VAV1: variants seen among roughly 807,000 people sequenced by gnomAD.
The protein encoded by VAV1 is vav guanine nucleotide exchange factor 1, also known as proto-oncogene vav.
In VAV1, 33 loss-of-function variants were observed where a neutral mutation model predicts 128.1. That is an observed-to-expected ratio of 0.26 (90% CI 0.20 to 0.34). The LOEUF is 0.34. Among genes scored for constraint, VAV1 ranks in the 10% least tolerant of loss-of-function variants. The pLI, the probability that VAV1 is intolerant of heterozygous loss-of-function variation, is 1.00. For missense variants in VAV1, 715 were observed against 1,093.7 expected (o/e 0.65, Z 4.88); for synonymous variants, 394 against 409.8 (o/e 0.96, Z 0.47).
At chr19:6,829,546 T>A (rs1264938472) in intron 13 of VAV1, among the ~76,000 whole-genome samples, 1 of 151,910 alleles carries the variant, frequency 6.6e-6, no homozygotes, top group Non-Finnish European at 1.5e-5. Flanking sequence ...GAGAAGGCGG[T>A]GGAGCCTTGA....
At chr19:6,774,429 T>A (rs1249708837) in intron 1 of VAV1, among the ~76,000 whole-genome samples, 16 of 96,540 alleles carry the variant, frequency 1.7e-4, no homozygotes, top group Admixed American at 2.8e-4. Context: ...CGCCCAGCCT[T>A]TTTTTTTTTT....
intron 1 of VAV1, among the ~76,000 whole-genome samples, chr19:6,817,751 G>A (rs949983711): frequency 2.0e-5 from 3 of 151,936 alleles, no homozygotes; most frequent in Admixed American, 6.6e-5. Flanking sequence ...CAGTGGCACC[G>A]TCGTGGCTCA....
intron 1 of VAV1, among the ~76,000 whole-genome samples, chr19:6,806,879 C>T (rs984063369): frequency 6.6e-6 from 1 of 152,218 alleles, no homozygotes; most frequent in African/African-American, 2.4e-5. Flanking sequence ...GATTTGTCTA[C>T]TGCGTCCCAG....
Position 6,836,616 on chromosome 19 carries a change from G to T in VAV1, c.1914+48G>T, listed in dbSNP as rs375032773. 5 of 1,603,706 alleles carry T rather than the reference G, an allele frequency of 3.1e-6. No individual in the cohort carries two copies. In the African/African-American group the frequency reaches 4.0e-5, roughly 13 times the overall value. On this transcript the variant is annotated intron_variant, in intron 20 of 26. Coordinates refer to ENST00000602142, the MANE Select transcript of VAV1 (RefSeq NM_005428.4). The stretch of plus-strand genomic sequence containing the variant: ...TGATGGGGTGGGACCCAAGTGTAGG[G>T]TTATGGATTCATGTGGTCTCAGGGA...
intron 1 of VAV1, among the ~76,000 whole-genome samples, chr19:6,775,623 G>A (rs1390503868): frequency 6.6e-6 from 1 of 152,156 alleles, no homozygotes; most frequent in Non-Finnish European, 1.5e-5. Context: ...TTCCCTCTTC[G>A]AGGGGGCACA....
chr19:6,832,223 C>A, intron 15 of VAV1, 23 bp downstream of exon 15: 1 of 1,611,282 alleles, frequency 6.2e-7, no homozygotes, highest in Non-Finnish European at 8.5e-7. Context: ...CTTCCTCCCT[C>A]TTTCTGTCCA....
chr19:6,814,952 T>C (rs965578951), intron 1 of VAV1, among the ~76,000 whole-genome samples: 2 of 151,762 alleles, frequency 1.3e-5, no homozygotes, highest in African/African-American at 4.8e-5. Flanking sequence ...GAGATTTTTT[T>C]CCCCCTCTTT....
chr19:6,856,275 C>T (rs1225045459), intron 26 of VAV1, among the ~76,000 whole-genome samples: 7 of 146,692 alleles, frequency 4.8e-5, no homozygotes, highest in East Asian at 2.1e-4. Flanking sequence ...CCAGCCTGGG[C>T]AACAGAGTAA....
At chr19:6,847,645 T>C (rs557671829) in intron 22 of VAV1, among the ~76,000 whole-genome samples, 1 of 152,282 alleles carries the variant, frequency 6.6e-6, no homozygotes, top group Admixed American at 6.5e-5. Flanking sequence ...CTCCTTCCCC[T>C]ACTTCTGTCC....
chr19:6,793,780 T>A, intron 1 of VAV1, among the ~76,000 whole-genome samples: 1 of 152,126 alleles, frequency 6.6e-6, no homozygotes, highest in East Asian at 1.9e-4. Context: ...TGGGGCCACT[T>A]TGTCTTCACA....
intron 1 of VAV1, among the ~76,000 whole-genome samples, chr19:6,792,708 C>T (rs62126662): frequency 0.07 from 10,423 of 148,014 alleles, 439 homozygotes; most frequent in African/African-American, 0.1. Context: ...CATGCATGTC[C>T]GGTGCATGGT....
At chr19:6,793,874 A>T (rs1246160214) in intron 1 of VAV1, among the ~76,000 whole-genome samples, 7 of 152,178 alleles carry the variant, frequency 4.6e-5, no homozygotes, top group Admixed American at 3.3e-4. Context: ...TGTAAGAATT[A>T]AAAATGAGGT....
At chr19:6,791,397 C>T (rs1188439862) in intron 1 of VAV1, among the ~76,000 whole-genome samples, 2 of 151,576 alleles carry the variant, frequency 1.3e-5, no homozygotes, top group Non-Finnish European at 2.9e-5. Flanking sequence ...GGTCCTTGAG[C>T]TAGCTCCTCA....
chr19:6,811,639 C>G (rs1971514617), intron 1 of VAV1, among the ~76,000 whole-genome samples: 1 of 152,100 alleles, frequency 6.6e-6, no homozygotes, highest in Non-Finnish European at 1.5e-5. Context: ...ACTTTTAGCC[C>G]AGACAGCAGT....
At chr19:6,775,283 G>C (rs1970598761) in intron 1 of VAV1, among the ~76,000 whole-genome samples, 1 of 152,210 alleles carries the variant, frequency 6.6e-6, no homozygotes. Flanking sequence ...AGGGAGTCAA[G>C]CTCTCTGTGA....
intron 1 of VAV1, among the ~76,000 whole-genome samples, chr19:6,785,784 C>T (rs551728854): frequency 4.3e-4 from 66 of 151,808 alleles, no homozygotes; most frequent in African/African-American, 1.5e-3. Context: ...CTCAGCCTTC[C>T]GAGTAGCCAG....
Position 6,822,086 on chromosome 19 carries a change from G to C in VAV1, c.450-135G>C, listed in dbSNP as rs1462808920. 2 of 1,023,610 alleles carry C rather than the reference G, an allele frequency of 2.0e-6. No homozygotes were observed. The highest frequency in any genetic ancestry group is 3.2e-5 in the African/African-American group (2 of 62,690). 63.4% of individuals were successfully genotyped at this position (1,023,610 alleles called of 1,614,324 possible). ...ACATGGCCCTGCCCTGGAGCTTGGA[G>C]GGACATGGCCTGCCCTTGGAGTCTG... On this transcript the variant is annotated intron_variant, in intron 4 of 26. Coordinates refer to ENST00000602142, the MANE Select transcript of VAV1 (RefSeq NM_005428.4). The surrounding 1 kb of genome is among the most constrained non-coding windows in gnomAD (Gnocchi z 5.9).
intron 23 of VAV1, among the ~76,000 whole-genome samples, chr19:6,849,844 C>T (rs1412201235): frequency 3.3e-5 from 5 of 152,116 alleles, no homozygotes; most frequent in Non-Finnish European, 5.9e-5. Context: ...TGTTGATGGG[C>T]ACCTGGGTCG....
chr19:6,848,147 G>A (rs1254771287), intron 23 of VAV1, 33 bp downstream of exon 23: 2 of 1,523,576 alleles, frequency 1.3e-6, no homozygotes, highest in Admixed American at 5.0e-5. Context: ...ATACCCTTTT[G>A]GGGCCTGGGC....
Sources: gnomAD v4.1 joint callset for allele counts (sites outside exome capture counted in the v4.1 genomes callset) on GRCh38, gnomAD v4.1.1 for gene constraint, Gnocchi (gnomAD v3.1) non-coding constraint, MANE v1.5 for transcripts, NCBI Gene and HGNC (gene_info 2026-07-23, HGNC 2026-07-21) for gene names.